TMEM108: variants seen among roughly 807,000 people sequenced by gnomAD.
TMEM108 encodes the protein cancer/testis antigen 124.
In TMEM108, 12 loss-of-function variants were observed where a neutral mutation model predicts 35.1. The ratio of observed to expected loss-of-function variants is 0.34; its 90% CI spans 0.22 to 0.55. The LOEUF (loss-of-function observed/expected upper bound fraction) is 0.55. Ranked by LOEUF, TMEM108 falls within the 20% of genes least tolerant of loss-of-function variation. TMEM108 has a pLI of 0.89. For missense variants in TMEM108, 680 were observed against 753.3 expected, an observed-to-expected ratio of 0.90 and a Z score of 1.14; for synonymous variants, 287 against 308.6, an observed-to-expected ratio of 0.93 and a Z score of 0.73.
intron 2 of TMEM108, among the ~76,000 whole-genome samples, chr3:133,217,567 T>C (rs918444884): frequency 2.0e-5 from 3 of 152,080 alleles, no homozygotes; most frequent in African/African-American, 4.8e-5. Context: ...TTCAGTCTTA[T>C]ATTTACATCT....
At chr3:133,285,488 C>T (rs1021654840) in intron 3 of TMEM108, among the ~76,000 whole-genome samples, 8 of 152,182 alleles carry the variant, frequency 5.3e-5, no homozygotes, top group Non-Finnish European at 1.0e-4. Flanking sequence ...TTTTGAAGCT[C>T]TTGCCTCAGA....
At chr3:133,216,264 A>C (rs1431313318) in intron 2 of TMEM108, among the ~76,000 whole-genome samples, 1 of 152,080 alleles carries the variant, frequency 6.6e-6, no homozygotes, top group African/African-American at 2.4e-5. Context: ...GACTCAGTGC[A>C]AGTGATATAT....
intron 2 of TMEM108, among the ~76,000 whole-genome samples, chr3:133,202,715 G>A (rs1945688727): frequency 6.6e-6 from 1 of 152,166 alleles, no homozygotes; most frequent in African/African-American, 2.4e-5. Flanking sequence ...ATAGTTTGAA[G>A]TCAGGTAGCA....
intron 2 of TMEM108, among the ~76,000 whole-genome samples, chr3:133,193,905 T>A (rs990478954): frequency 4.0e-5 from 6 of 151,550 alleles, no homozygotes; most frequent in Non-Finnish European, 4.4e-5. Flanking sequence ...TTTAATGAAA[T>A]ACAAATGCTT....
chr3:133,272,641 A>G (rs1233836201), intron 3 of TMEM108, among the ~76,000 whole-genome samples: 2 of 152,112 alleles, frequency 1.3e-5, no homozygotes, highest in East Asian at 3.9e-4. Context: ...AGGAGCAAGC[A>G]TTACACTAGG....
chr3:133,161,700 CA>C lies in TMEM108; in HGVS notation c.-46-67553del, dbSNP rs34741383. Reference sequence around the variant, plus strand: ...TAAAAATAACTTTTACTCATTCCCTCAAAAAAAAAAAAAGCCCAAAGTGAGA... The same window carrying C: ...TAAAAATAACTTTTACTCATTCCCTCAAAAAAAAAAAAGCCCAAAGTGAGA... On this transcript the variant is annotated intron_variant, in intron 2 of 5. Transcript: ENST00000321871. Among the ~76,000 whole-genome samples, 661 of 138,830 alleles carry C rather than the reference CA, an allele frequency of 4.8e-3. 1 individual carries two copies. Among genetic ancestry groups the C allele is most frequent in the Middle Eastern group, 0.011 (3 of 282 alleles). 91.1% of individuals were successfully genotyped at this position (138,830 alleles called of 152,430 possible). A position where few individuals can be genotyped will look rare whatever the true frequency, so the allele number is the denominator to read the frequency against.
intron 2 of TMEM108, among the ~76,000 whole-genome samples, chr3:133,179,662 G>T (rs542884114): frequency 2.1e-4 from 32 of 152,144 alleles, no homozygotes; most frequent in Non-Finnish European, 4.7e-4. Context: ...GTTGTGGGGT[G>T]GGGGGAGTGG....
chr3:133,228,189 TAA>T (rs397732892), intron 2 of TMEM108, among the ~76,000 whole-genome samples: 1 of 147,678 alleles, frequency 6.8e-6, no homozygotes. Context: ...TATATCTCAG[TAA>T]AAAAAAAAAA....
chr3:133,301,900 G>A (rs1047835349), intron 3 of TMEM108, among the ~76,000 whole-genome samples: 5 of 152,070 alleles, frequency 3.3e-5, no homozygotes, highest in Non-Finnish European at 5.9e-5. Context: ...AACTCAGGAA[G>A]CCCTCCACAA....
intron 3 of TMEM108, among the ~76,000 whole-genome samples, chr3:133,361,356 C>A (rs1281777547): frequency 6.6e-6 from 1 of 152,176 alleles, no homozygotes; most frequent in Non-Finnish European, 1.5e-5. Flanking sequence ...ATTACTTAAT[C>A]CATTTGTATG....
intron 2 of TMEM108, among the ~76,000 whole-genome samples, chr3:133,096,317 T>C (rs1189822990): frequency 6.6e-6 from 1 of 152,108 alleles, no homozygotes; most frequent in African/African-American, 2.4e-5. Context: ...CACGACCACA[T>C]GCAGCTAATT....
intron 3 of TMEM108, among the ~76,000 whole-genome samples, chr3:133,315,573 C>T (rs2071189029): frequency 6.6e-6 from 1 of 152,222 alleles, no homozygotes; most frequent in Non-Finnish European, 1.5e-5. Flanking sequence ...ACACTAACAA[C>T]ACAATCTCCA....
intron 3 of TMEM108, among the ~76,000 whole-genome samples, chr3:133,241,030 T>C (rs1946305483): frequency 1.3e-5 from 2 of 151,998 alleles, no homozygotes; most frequent in Non-Finnish European, 2.9e-5. Context: ...ACCTCATGAA[T>C]TGGGGCTATT....
At chr3:133,224,079 G>A (rs1356071425) in intron 2 of TMEM108, among the ~76,000 whole-genome samples, 1 of 152,140 alleles carries the variant, frequency 6.6e-6, no homozygotes, top group African/African-American at 2.4e-5. Flanking sequence ...GACTACTGAA[G>A]GGCTTATAAT....
chr3:133,202,803 A>G (rs1458244390), intron 2 of TMEM108, among the ~76,000 whole-genome samples: 1 of 152,162 alleles, frequency 6.6e-6, no homozygotes, highest in Non-Finnish European at 1.5e-5. Context: ...TATGAAATTT[A>G]AATTAGTTTT....
At chr3:133,271,605 G>A (rs897295273) in intron 3 of TMEM108, among the ~76,000 whole-genome samples, 3 of 152,148 alleles carry the variant, frequency 2.0e-5, no homozygotes. Flanking sequence ...GGCTTCACAC[G>A]ATTGCCCAGA....
At chr3:133,247,438 G>A (rs904825216) in intron 3 of TMEM108, 3 of 152,026 alleles carry the variant, frequency 2.0e-5, no homozygotes, top group Non-Finnish European at 4.4e-5. Flanking sequence ...CCCCTCACTT[G>A]GATACAAGTA....
chr3:133,273,780 G>A (rs559216123), intron 3 of TMEM108, among the ~76,000 whole-genome samples: 3 of 152,302 alleles, frequency 2.0e-5, no homozygotes, highest in African/African-American at 7.2e-5. Context: ...AAATAGATTA[G>A]CCAATCATGC....
chr3:133,204,275 A>G (rs1307718756), intron 2 of TMEM108, among the ~76,000 whole-genome samples: 2 of 142,840 alleles, frequency 1.4e-5, no homozygotes, highest in Admixed American at 7.0e-5. Context: ...TTTTTTTTTG[A>G]AGGGTTTTTC....
Sources: gnomAD v4.1 joint callset for allele counts (sites outside exome capture counted in the v4.1 genomes callset) on GRCh38, gnomAD v4.1.1 for gene constraint, MANE v1.5 for transcripts, NCBI Gene and HGNC (gene_info 2026-07-23, HGNC 2026-07-21) for gene names.